The following NLGN1 variants were observed in gnomAD, a reference collection of about 807,000 sequenced individuals.
The protein encoded by NLGN1 is neuroligin 1.
A neutral mutation model predicts 65.5 loss-of-function variants in NLGN1; 12 were observed. The ratio of observed to expected loss-of-function variants is 0.18; its 90% confidence interval spans 0.12 to 0.30. NLGN1 has a LOEUF of 0.30. Ranked by LOEUF, NLGN1 falls within the 10% of genes least tolerant of loss-of-function variation. The probability of loss-of-function intolerance (pLI) is 1.00; values close to 1 mark genes in which losing one functional copy is unlikely to be tolerated. For synonymous variants in NLGN1, 350 were observed against 359.5 expected, an observed-to-expected ratio of 0.97 and a Z score of 0.30; for missense variants, 750 against 1,007.1, an observed-to-expected ratio of 0.74 and a Z score of 3.46.
intron 4 of NLGN1, among the ~76,000 whole-genome samples, chr3:174,070,238 C>G (rs578128766): frequency 6.6e-6 from 1 of 152,074 alleles, no homozygotes; most frequent in African/African-American, 2.4e-5. Context: ...TCACATTTTT[C>G]TATTAAAATG....
chr3:173,971,552 G>A (rs1344077928), intron 4 of NLGN1, among the ~76,000 whole-genome samples: 2 of 151,950 alleles, frequency 1.3e-5, no homozygotes, highest in East Asian at 1.9e-4. Flanking sequence ...CAAGAAAATG[G>A]GGAATAACTT....
intron 4 of NLGN1, among the ~76,000 whole-genome samples, chr3:173,831,319 C>G (rs1473401881): frequency 6.6e-6 from 1 of 152,130 alleles, no homozygotes; most frequent in Non-Finnish European, 1.5e-5. Flanking sequence ...CATCTCTTAT[C>G]TGCAAAATAA....
At chr3:173,574,076 A>AG (rs1453649799) in intron 2 of NLGN1, among the ~76,000 whole-genome samples, 1 of 150,940 alleles carries the variant, frequency 6.6e-6, no homozygotes, top group Non-Finnish European at 1.5e-5. Flanking sequence ...AAAAAAAAAA[A>AG]AAAAAAAGAA....
At chr3:173,435,160 A>G (rs375010554) in intron 2 of NLGN1, 55 of 152,748 alleles carry the variant, frequency 3.6e-4, no homozygotes, top group Middle Eastern at 6.8e-3. Context: ...CAAAACAGCA[A>G]TTCTGTTTCC....
At chr3:173,994,107 C>T (rs958979296) in intron 4 of NLGN1, among the ~76,000 whole-genome samples, 7 of 151,876 alleles carry the variant, frequency 4.6e-5, no homozygotes, top group Non-Finnish European at 8.8e-5. Context: ...AAGTTTAATA[C>T]TTCACTTAAA....
intron 4 of NLGN1, among the ~76,000 whole-genome samples, chr3:173,949,439 G>C (rs1747779495): frequency 6.6e-6 from 1 of 152,104 alleles, no homozygotes. Flanking sequence ...CATTTTGCAA[G>C]TCCTTCCTCT....
At chr3:173,680,134 AAAAT>A (rs1258565505) in intron 3 of NLGN1, among the ~76,000 whole-genome samples, 3 of 152,178 alleles carry the variant, frequency 2.0e-5, no homozygotes, top group African/African-American at 7.2e-5. Flanking sequence ...TATTCTGTAA[AAAAT>A]AAAATGAGGT....
intron 4 of NLGN1, among the ~76,000 whole-genome samples, chr3:173,984,283 A>G (rs377756861): frequency 6.6e-6 from 1 of 152,178 alleles, no homozygotes; most frequent in African/African-American, 2.4e-5. Context: ...ATCAAAGATT[A>G]TGGACTTCAG....
chr3:173,684,671 A>G (rs1345748179), intron 3 of NLGN1, among the ~76,000 whole-genome samples: 1 of 152,198 alleles, frequency 6.6e-6, no homozygotes, highest in African/African-American at 2.4e-5. Flanking sequence ...CAGTCACTGA[A>G]TCAGGTTATT....
chr3:173,778,147 T>C (rs1023711936), intron 3 of NLGN1, among the ~76,000 whole-genome samples: 19 of 151,920 alleles, frequency 1.3e-4, no homozygotes, highest in African/African-American at 4.6e-4. Context: ...ACAATTTCTT[T>C]AGTGTCTGTT....
chr3:173,952,774 T>C (rs1445822766), intron 4 of NLGN1, among the ~76,000 whole-genome samples: 1 of 151,668 alleles, frequency 6.6e-6, no homozygotes, highest in Non-Finnish European at 1.5e-5. Context: ...GGTTAAAATT[T>C]ACCTTTTTTT....
intron 1 of NLGN1, chr3:173,434,962 C>T (rs1211820712): frequency 6.6e-6 from 1 of 152,602 alleles, no homozygotes; most frequent in East Asian, 1.9e-4. Context: ...AGTTCCGTGT[C>T]ACTAATTCTC....
intron 4 of NLGN1, among the ~76,000 whole-genome samples, chr3:174,222,583 A>C (rs1274285378): frequency 1.3e-5 from 2 of 152,182 alleles, no homozygotes; most frequent in East Asian, 3.8e-4. Flanking sequence ...AGAATGAAAG[A>C]TTCCTAGGTT....
intron 4 of NLGN1, among the ~76,000 whole-genome samples, chr3:174,176,045 A>G (rs929375068): frequency 1.3e-5 from 2 of 151,914 alleles, no homozygotes; most frequent in Non-Finnish European, 2.9e-5. Context: ...CACAATTGGG[A>G]GGACTTTTGT....
chr3:173,512,838 G>A (rs1188940658), intron 2 of NLGN1, among the ~76,000 whole-genome samples: 1 of 152,126 alleles, frequency 6.6e-6, no homozygotes, highest in Non-Finnish European at 1.5e-5. Context: ...TTTGCCTTTA[G>A]TATGTCTTGT....
chr3:174,096,941 A>C (rs2152569898), intron 4 of NLGN1, among the ~76,000 whole-genome samples: 1 of 152,200 alleles, frequency 6.6e-6, no homozygotes, highest in East Asian at 1.9e-4. Context: ...GAAAATAAAT[A>C]AATAAGTTTT....
intron 2 of NLGN1, among the ~76,000 whole-genome samples, chr3:173,544,333 C>G (rs774291625): frequency 1.0e-4 from 15 of 149,348 alleles, no homozygotes; most frequent in Non-Finnish European, 1.9e-4. Context: ...TTATAGAGAG[C>G]AGCAGAGAAA....
intron 2 of NLGN1, among the ~76,000 whole-genome samples, chr3:173,579,963 T>C (rs1746131528): frequency 6.6e-6 from 1 of 152,184 alleles, no homozygotes. Flanking sequence ...TGTGGGTATA[T>C]AGTAGGTATA....
chr3:173,835,405 T>G (rs1723427447), intron 4 of NLGN1, among the ~76,000 whole-genome samples: 1 of 152,096 alleles, frequency 6.6e-6, no homozygotes, highest in African/African-American at 2.4e-5. Context: ...TTTCCTGGTG[T>G]GATCATTGAA....
Sources: allele counts gnomAD v4.1 joint callset (sites outside exome capture counted in the v4.1 genomes callset), GRCh38; gene constraint gnomAD v4.1.1; transcripts MANE v1.5; gene names NCBI Gene and HGNC (gene_info 2026-07-23, HGNC 2026-07-21).